MPHOSPH9: variants seen among roughly 807,000 people sequenced by gnomAD.
MPHOSPH9 encodes the protein M-phase phosphoprotein 9.
In MPHOSPH9, 88 loss-of-function variants were observed where a neutral mutation model predicts 145.5. That is an observed-to-expected ratio of 0.60 (90% CI 0.51 to 0.72). The LOEUF is 0.72. MPHOSPH9 is among the 30% of genes least tolerant of loss of function. The pLI is 0.00. For missense variants in MPHOSPH9, 1,238 were observed against 1,386.6 expected (o/e 0.89, Z 1.70); for synonymous variants, 435 against 486.2 (o/e 0.89, Z 1.39).
At chr12:123,205,505 C>T (rs570816193) in intron 8 of MPHOSPH9, among the ~76,000 whole-genome samples, 1 of 152,018 alleles carries the variant, frequency 6.6e-6, no homozygotes, top group African/African-American at 2.4e-5. Flanking sequence ...GAGATCGCAC[C>T]ACTGCATTCC....
chr12:123,216,430 A>G (rs1288128633), intron 6 of MPHOSPH9, among the ~76,000 whole-genome samples: 2 of 152,208 alleles, frequency 1.3e-5, no homozygotes, highest in Admixed American at 6.6e-5. Context: ...CATGTTCAGG[A>G]TAAGACATGG....
In MPHOSPH9 at chr12:123,230,524, T is replaced by C; in HGVS notation, c.-158-2A>G. ...AATATCCTAAACTTCCAAGAGAGTC[T>C]GAAAATGAATGGGGGAAAAAAATAC... On this transcript the variant is annotated splice_acceptor_variant, in intron 1 of 23. Transcript: ENST00000606320. LOFTEE classifies it low-confidence loss of function (5UTR_SPLICE). 2.2e-6 allele frequency: 1 copy of C among 453,864 alleles called. No homozygotes were observed. The highest frequency in any genetic ancestry group is 3.5e-5 in the East Asian group (1 of 28,578). 28.1% of individuals were successfully genotyped at this position (453,864 alleles called of 1,614,324 possible).
Position 123,210,039 on chromosome 12 carries a change from G to T in MPHOSPH9, c.1194+17C>A. The T allele has an allele frequency of 6.3e-7, 1 of 1,577,566 alleles. No individual in the cohort carries two copies. The highest frequency in any genetic ancestry group is 8.7e-7 in the Non-Finnish European group (1 of 1,155,462). Reference sequence around the variant, plus strand: ...GCGTAAGCCACCGCGCCCGGCCACCGTGTGTTTTTAAATTACCTGGTTTGG... The same window carrying T: ...GCGTAAGCCACCGCGCCCGGCCACCTTGTGTTTTTAAATTACCTGGTTTGG... On this transcript the variant is annotated intron_variant, in intron 8 of 23. Coordinates refer to ENST00000606320, the MANE Select transcript of MPHOSPH9 (RefSeq NM_022782.4).
intron 3 of MPHOSPH9, among the ~76,000 whole-genome samples, chr12:123,223,494 C>T (rs1011219084): frequency 1.3e-5 from 2 of 152,188 alleles, no homozygotes; most frequent in East Asian, 1.9e-4. Context: ...TCCACTTCAT[C>T]CCAGCCCTCT....
intron 15 of MPHOSPH9, among the ~76,000 whole-genome samples, chr12:123,179,497 C>G (rs2138079021): frequency 6.6e-6 from 1 of 152,160 alleles, no homozygotes; most frequent in Non-Finnish European, 1.5e-5. Flanking sequence ...ATTGCTTGAA[C>G]CCAAGAGGAG....
At chr12:123,178,130 C>A (rs540084386) in intron 15 of MPHOSPH9, among the ~76,000 whole-genome samples, 3 of 152,278 alleles carry the variant, frequency 2.0e-5, no homozygotes, top group African/African-American at 7.2e-5. Flanking sequence ...CAGCCTCAAA[C>A]CCCTGTGCTT....
chr12:123,229,620 T>G (rs2047561223), intron 2 of MPHOSPH9, among the ~76,000 whole-genome samples: 1 of 152,168 alleles, frequency 6.6e-6, no homozygotes, highest in African/African-American at 2.4e-5. Context: ...TTTAAAAATG[T>G]AGAAATAATA....
chr12:123,157,215 G>C (rs775047874), intron 23 of MPHOSPH9, among the ~76,000 whole-genome samples: 8 of 152,082 alleles, frequency 5.3e-5, no homozygotes, highest in Non-Finnish European at 7.3e-5. Flanking sequence ...CTGCTGAAGT[G>C]AGAACAGTAC....
intron 17 of MPHOSPH9, chr12:123,166,437 C>T (rs1203481260): frequency 3.4e-6 from 2 of 587,630 alleles, no homozygotes; most frequent in Non-Finnish European, 5.9e-6. Flanking sequence ...AATCACAAAC[C>T]CATACTGTGC....
intron 16 of MPHOSPH9, among the ~76,000 whole-genome samples, chr12:123,169,982 CTT>C (rs1251368308): frequency 4.3e-5 from 6 of 140,922 alleles, no homozygotes; most frequent in African/African-American, 2.6e-5. Context: ...TTTTAAATGT[CTT>C]TTTTTTTTTT....
intron 2 of MPHOSPH9, among the ~76,000 whole-genome samples, chr12:123,229,407 C>A (rs1177379696): frequency 1.3e-5 from 2 of 152,106 alleles, no homozygotes; most frequent in Admixed American, 6.6e-5. Flanking sequence ...AATAAAAAAC[C>A]AATCACAGGA....
At chr12:123,195,750 G>A (rs1000999217) in intron 12 of MPHOSPH9, among the ~76,000 whole-genome samples, 1 of 152,108 alleles carries the variant, frequency 6.6e-6, no homozygotes. Flanking sequence ...CTTAGGAGGA[G>A]AGGAACTAAA....
chr12:123,162,302 A>G, intron 20 of MPHOSPH9, 84 bp from the exon 21 acceptor site: 1 of 598,432 alleles, frequency 1.7e-6, no homozygotes, highest in East Asian at 3.1e-5. Flanking sequence ...GCTGGCATCC[A>G]GCTAACTCAC....
intron 8 of MPHOSPH9, among the ~76,000 whole-genome samples, chr12:123,206,147 C>A (rs910523944): frequency 2.6e-5 from 4 of 151,946 alleles, no homozygotes; most frequent in Admixed American, 2.6e-4. Context: ...AAACTAACAC[C>A]AAGGTGAAGA....
rs1018789150 is a variant in MPHOSPH9 at position 123,155,874 on chromosome 12, T to C, written c.*933A>G. 2 of 152,260 alleles carry C rather than the reference T, an allele frequency of 1.3e-5. No individual in the cohort carries two copies. The highest frequency in any genetic ancestry group is 2.9e-5 in the Non-Finnish European group (2 of 68,076). 9.4% of individuals were successfully genotyped at this position (152,260 alleles called of 1,614,324 possible). A position where few individuals can be genotyped will look rare whatever the true frequency, so the allele number is the denominator to read the frequency against. On this transcript the variant is annotated 3_prime_UTR_variant, in exon 24 of 24. Transcript: ENST00000606320. ...ATTGTGATGATCTAAAGTCTAGTGTTCTTACAGCACCTACAGTGGAAATAT... is the reference window on the plus strand; with the variant it reads ...ATTGTGATGATCTAAAGTCTAGTGTCCTTACAGCACCTACAGTGGAAATAT...
chr12:123,237,743 A>G (rs1565990162), upstream of MPHOSPH9, among the ~76,000 whole-genome samples: 1 of 152,196 alleles, frequency 6.6e-6, no homozygotes. Flanking sequence ...GGTCTGTTTC[A>G]AGCCTTACCA....
intron 13 of MPHOSPH9, among the ~76,000 whole-genome samples, chr12:123,186,360 A>G (rs1189592759): frequency 6.6e-6 from 1 of 152,200 alleles, no homozygotes; most frequent in African/African-American, 2.4e-5. Context: ...AGCAAAAGAA[A>G]AAAGTTTATA....
chr12:123,210,706 AAAT>A (rs1286883372), intron 7 of MPHOSPH9, among the ~76,000 whole-genome samples: 1 of 151,922 alleles, frequency 6.6e-6, no homozygotes, highest in Admixed American at 6.6e-5. Context: ...AAAAAAATTA[AAAT>A]AATAATAATA....
chr12:123,156,861 T>G lies in MPHOSPH9; in HGVS notation c.3498A>C (p.Ser1166=). The G allele has an allele frequency of 6.2e-7, 1 of 1,612,338 alleles. No individual in the cohort carries two copies. Among genetic ancestry groups the G allele is most frequent in the Non-Finnish European group, 8.5e-7 (1 of 1,178,600 alleles). The change falls in exon 24 of 24, where the codon TCA becomes TCC. Residue 1166 remains serine (S), a synonymous_variant. Transcript: ENST00000606320. ...RLERINRELG[S]VRMTLKKFHV... is the part of the protein sequence containing the mutation. ...GGAATTTCTTTAGCGTCATGCGAAC[T>G]GAACCCAGTTCTCGATTAATCCTTT...
Sources: gnomAD v4.1 joint callset for allele counts (sites outside exome capture counted in the v4.1 genomes callset) on GRCh38, gnomAD v4.1.1 for gene constraint, MANE v1.5 for transcripts, NCBI Gene and HGNC (gene_info 2026-07-23, HGNC 2026-07-21) for gene names.